The following NUP210L variants were observed in gnomAD, a reference collection of about 807,000 sequenced individuals.
The protein encoded by NUP210L is nucleoporin 210 like, also known as nuclear pore membrane glycoprotein 210-like.
Under a neutral mutation model 208.5 loss-of-function variants are expected in NUP210L, and 74 were observed. The ratio of observed to expected loss-of-function variants is 0.35; its 90% CI spans 0.29 to 0.43. The LOEUF (loss-of-function observed/expected upper bound fraction) is 0.43, where lower values mean the gene tolerates loss of function less well. NUP210L is among the 20% of genes least tolerant of loss of function. The pLI is 1.00. For synonymous variants in NUP210L, 780 were observed against 816.9 expected, an observed-to-expected ratio of 0.95 and a Z score of 0.77; for missense variants, 1,843 against 2,289.4, an observed-to-expected ratio of 0.81 and a Z score of 3.98.
At chr1:153,994,027 C>T (rs1358157916) in intron 38 of NUP210L, among the ~76,000 whole-genome samples, 3 of 151,970 alleles carry the variant, frequency 2.0e-5, no homozygotes, top group Non-Finnish European at 4.4e-5. Flanking sequence ...AGATGTGTGC[C>T]ACCACCACAC....
chr1:154,134,232 T>G (rs1049362033), intron 7 of NUP210L, among the ~76,000 whole-genome samples: 88 of 151,812 alleles, frequency 5.8e-4, no homozygotes, highest in Non-Finnish European at 9.3e-4. Flanking sequence ...TACCCAGAGC[T>G]TAGAACAATG....
chr1:154,002,992 G>T lies in NUP210L; in HGVS notation c.4931-1007C>A, dbSNP rs544189144. Among the ~76,000 whole-genome samples, 20 of 148,670 alleles carry T rather than the reference G, an allele frequency of 1.3e-4. No homozygotes were observed. The East Asian group carries it at 1.8e-3, about 13-fold the overall frequency. On this transcript the variant is annotated intron_variant, in intron 35 of 39. Coordinates refer to ENST00000368559, the Ensembl canonical transcript of NUP210L. ...AGGAACTGTTTTTCCAGTTACCCAT[G>T]ATTAATCCTTAGCTGTCTTTTTTTT...
chr1:154,140,737 C>G (rs1303996320), intron 4 of NUP210L, among the ~76,000 whole-genome samples: 1 of 150,890 alleles, frequency 6.6e-6, no homozygotes, highest in African/African-American at 2.4e-5. Context: ...AATCCCAGCA[C>G]TTTGGGAGGC....
intron 2 of NUP210L, among the ~76,000 whole-genome samples, chr1:154,143,948 G>A (rs1438404336): frequency 6.6e-6 from 1 of 152,190 alleles, no homozygotes; most frequent in African/African-American, 2.4e-5. Context: ...TTGGGAGGCT[G>A]AGGTGGGCAG....
In NUP210L at chr1:154,091,500, T is replaced by A. The variant is rs1361619630; in HGVS notation, c.2188-1906A>T. ...CATGTCTTTTTCTTTTCTTTTCTTT[T>A]CTTTTTTTTTTTTTTTTTGAGAGTG... is the stretch of plus-strand genomic sequence containing the variant. On this transcript the variant is annotated intron_variant, in intron 15 of 39. Coordinates refer to ENST00000368559, the Ensembl canonical transcript of NUP210L. 2.0e-5 allele frequency among the ~76,000 whole-genome samples: 3 copies of A among 148,560 alleles called. No individual in the cohort carries two copies. The Admixed American group carries it at 2.0e-4, about 10-fold the overall frequency.
chr1:154,097,513 A>G (rs1285993695), intron 14 of NUP210L, among the ~76,000 whole-genome samples: 1 of 152,210 alleles, frequency 6.6e-6, no homozygotes, highest in Non-Finnish European at 1.5e-5. Flanking sequence ...GCCACAGCCA[A>G]GCACTTGCAT....
At chr1:154,124,226 C>T (rs1246449360) in intron 10 of NUP210L, among the ~76,000 whole-genome samples, 1 of 133,152 alleles carries the variant, frequency 7.5e-6, no homozygotes, top group Non-Finnish European at 1.6e-5. Flanking sequence ...GAGAGCACAA[C>T]GGGGATGGTA....
chr1:154,084,101 G>A (rs1259628433), intron 16 of NUP210L, among the ~76,000 whole-genome samples: 6 of 145,050 alleles, frequency 4.1e-5, no homozygotes, highest in Admixed American at 1.4e-4. Flanking sequence ...GTGCAGTGGC[G>A]CAATCTTGGC....
chr1:154,093,697 C>T lies in NUP210L; in HGVS notation c.2187+1238G>A, dbSNP rs933415721. 6.6e-5 allele frequency among the ~76,000 whole-genome samples: 10 copies of T among 152,174 alleles called. No individual in the cohort carries two copies. The East Asian group carries it at 1.7e-3, about 26-fold the overall frequency. On this transcript the variant is annotated intron_variant, in intron 15 of 39. Coordinates refer to ENST00000368559, the Ensembl canonical transcript of NUP210L. ...AGCACAGTTCTTATCAAGTTAAAAT[C>T]TTACATTGATTCCCTTATGTGCTGG... is the stretch of plus-strand genomic sequence containing the variant.
intron 32 of NUP210L, 125 bp from the exon 33 acceptor site, chr1:154,019,194 G>A (rs1042727546): frequency 1.3e-5 from 11 of 858,916 alleles, no homozygotes; most frequent in Admixed American, 1.1e-4. Context: ...GAAACAGCCA[G>A]CTTTGAAGAT....
chr1:154,099,253 G>A (rs1656332587), intron 14 of NUP210L, among the ~76,000 whole-genome samples: 1 of 152,118 alleles, frequency 6.6e-6, no homozygotes, highest in African/African-American at 2.4e-5. Flanking sequence ...CTGCTCGGTG[G>A]AGCAGGAGGC....
chr1:154,028,570 G>C (rs1048210587), intron 28 of NUP210L, among the ~76,000 whole-genome samples: 2 of 152,140 alleles, frequency 1.3e-5, no homozygotes, highest in African/African-American at 2.4e-5. Context: ...CTAAGCAACA[G>C]AGTGAAACTC....
intron 37 of NUP210L, among the ~76,000 whole-genome samples, chr1:153,996,251 CACTGCACTCCAGCCTGGGTG>C (rs1649858636): frequency 6.6e-6 from 1 of 152,138 alleles, no homozygotes. Flanking sequence ...GAGATCTCTC[CACTGCACTCCAGCCTGGGTG>C]ACAGAGCCAG....
chr1:154,001,140 C>G, intron 36 of NUP210L, 80 bp from the exon 37 acceptor site: 1 of 1,089,322 alleles, frequency 9.2e-7, no homozygotes, highest in Non-Finnish European at 1.4e-6. Context: ...GAAACATATA[C>G]AGTACAATAA....
intron 27 of NUP210L, among the ~76,000 whole-genome samples, chr1:154,031,629 C>A (rs1017180967): frequency 6.8e-6 from 1 of 146,488 alleles, no homozygotes; most frequent in Admixed American, 7.1e-5. Context: ...TGAGAACATG[C>A]GAAGTTTGTC....
intron 37 of NUP210L, chr1:153,995,677 G>A (rs1425629871): frequency 7.6e-6 from 10 of 1,318,838 alleles, no homozygotes; most frequent in African/African-American, 1.4e-5. Flanking sequence ...CTACAATACA[G>A]CCTCTAACAA....
chr1:154,096,891 G>A (rs1037598426), intron 14 of NUP210L, among the ~76,000 whole-genome samples: 1 of 152,032 alleles, frequency 6.6e-6, no homozygotes, highest in Non-Finnish European at 1.5e-5. Flanking sequence ...GACCAGCCTG[G>A]CCATCATGGC....
At chr1:154,081,089 A>T (rs764488791) in intron 16 of NUP210L, among the ~76,000 whole-genome samples, 9 of 152,098 alleles carry the variant, frequency 5.9e-5, no homozygotes, top group Non-Finnish European at 8.8e-5. Context: ...TGGCAGACAT[A>T]ATGCCTACCT....
At chr1:154,075,830 C>A (rs192115281) in intron 16 of NUP210L, among the ~76,000 whole-genome samples, 5 of 151,648 alleles carry the variant, frequency 3.3e-5, no homozygotes, top group Middle Eastern at 3.2e-3. Flanking sequence ...TACTTCATTG[C>A]CCAGGCTGGA....
Sources: gnomAD v4.1 joint callset for allele counts (sites outside exome capture counted in the v4.1 genomes callset) on GRCh38, gnomAD v4.1.1 for gene constraint, MANE v1.5 for transcripts, NCBI Gene and HGNC (gene_info 2026-07-23, HGNC 2026-07-21) for gene names.